The following LEKR1 variants were observed in gnomAD, a reference collection of about 807,000 sequenced individuals.
The protein encoded by LEKR1 is leucine, glutamate and lysine rich 1, also known as protein LEKR1.
In LEKR1, 59 loss-of-function variants were observed where a neutral mutation model predicts 72.4. The ratio of observed to expected loss-of-function variants is 0.82; its 90% CI spans 0.66 to 1.01. The LOEUF is 1.01. LEKR1 is among the 50% of genes least tolerant of loss of function. LEKR1 has a pLI of 0.00. For missense variants in LEKR1, 728 were observed against 759.2 expected, an observed-to-expected ratio of 0.96 and a Z score of 0.48; for synonymous variants, 257 against 263.2, an observed-to-expected ratio of 0.98 and a Z score of 0.23.
rs1373147511 is a variant in LEKR1, at chr3:156,982,855, G to GTGTGTAGA, written c.827+3581_827+3582insGTGTAGAT. ...TATATGAATATGTGTGTGTGTGTGT[G>GTGTGTAGA]TAGATAGATAGATAGATAGATAGAT... On this transcript the variant is annotated intron_variant, in intron 7 of 12. Transcript: ENST00000356539. Among the ~76,000 whole-genome samples, 1,020 of 140,082 alleles carry GTGTGTAGA rather than the reference G, an allele frequency of 7.3e-3. 4 individuals carry two copies. The highest frequency in any genetic ancestry group is 0.021 in the African/African-American group (703 of 33,914). 91.9% of individuals were successfully genotyped at this position (140,082 alleles called of 152,430 possible). A position where few individuals can be genotyped will look rare whatever the true frequency, so the allele number is the denominator to read the frequency against.
intron 2 of LEKR1, among the ~76,000 whole-genome samples, chr3:156,835,908 C>CT (rs1176957007): frequency 8.5e-6 from 1 of 117,830 alleles, no homozygotes; most frequent in African/African-American, 3.2e-5. Flanking sequence ...GAGTCTCACT[C>CT]TGTCACCAAG....
At chr3:157,008,278 T>C (rs1247504780) in intron 9 of LEKR1, among the ~76,000 whole-genome samples, 2 of 152,192 alleles carry the variant, frequency 1.3e-5, no homozygotes, top group Admixed American at 6.6e-5. Flanking sequence ...GTAAACCCCA[T>C]CACACAGGAG....
intron 9 of LEKR1, among the ~76,000 whole-genome samples, chr3:156,999,008 AGT>A (rs1254476908): frequency 6.6e-6 from 1 of 152,138 alleles, no homozygotes; most frequent in Non-Finnish European, 1.5e-5. Context: ...TTCTCGTGAT[AGT>A]GAGTGAGTTC....
At position 157,045,364 on chromosome 3, in the gene LEKR1, C is replaced by G. The variant is rs776337543; in HGVS notation, c.1693C>G (p.Arg565Gly). Residue 565 changes from arginine to glycine, a missense_variant, in exon 13 of 13, where the codon CGT (arginine) becomes GGT (glycine). Arg to Gly is a moderately radical substitution (Grantham distance 125, BLOSUM62 -2). Transcript: ENST00000356539. The stretch of plus-strand genomic sequence containing the variant: ...GAATACTTTTCTTCAGGAGACAGTG[C>G]GTAGAGAATGTGAAGAACGCTTTGA... ...EENTFLQETVRRECEERFELT... is the reference protein window; with the variant it reads ...EENTFLQETVGRECEERFELT... The G allele has an allele frequency of 6.2e-7, 1 of 1,613,462 alleles. No homozygotes were observed. The highest frequency in any genetic ancestry group is 8.5e-7 in the Non-Finnish European group (1 of 1,179,622).
At chr3:156,953,633 C>T (rs757276732) in intron 6 of LEKR1, among the ~76,000 whole-genome samples, 2 of 151,812 alleles carry the variant, frequency 1.3e-5, no homozygotes, top group Non-Finnish European at 2.9e-5. Flanking sequence ...GTTTTCTGTT[C>T]CTGTGTTAGT....
intron 6 of LEKR1, among the ~76,000 whole-genome samples, chr3:156,954,443 C>T (rs1727439873): frequency 6.6e-6 from 1 of 151,990 alleles, no homozygotes; most frequent in Non-Finnish European, 1.5e-5. Context: ...GTACCTACGT[C>T]CTGAATGATA....
intron 6 of LEKR1, 83 bp downstream of exon 6, chr3:156,942,797 A>G (rs1396380547): frequency 3.4e-6 from 2 of 585,264 alleles, no homozygotes; most frequent in African/African-American, 2.1e-5. Context: ...TATAATTACA[A>G]CAAAATCTTG....
intron 6 of LEKR1, among the ~76,000 whole-genome samples, chr3:156,948,063 A>G (rs974151082): frequency 6.6e-6 from 1 of 151,212 alleles, no homozygotes; most frequent in African/African-American, 2.4e-5. Context: ...TCTAATTTGA[A>G]TTGCATTATA....
chr3:156,875,679 C>A (rs1718469771), intron 3 of LEKR1, among the ~76,000 whole-genome samples: 2 of 151,880 alleles, frequency 1.3e-5, no homozygotes, highest in Admixed American at 6.6e-5. Context: ...AGTATTTGAT[C>A]CATATTGAGT....
rs531139158 is a variant in LEKR1, at chr3:157,026,832, G to A, written c.1369-1271G>A. On this transcript the variant is annotated intron_variant, in intron 11 of 12. Transcript: ENST00000356539. ...TTTCATTAGAAGCAGCTCTTGTTTC[G>A]TTGTTTTGTTTCTTAAGGAGAAAGA... Among the ~76,000 whole-genome samples, 27 of 152,208 alleles carry A rather than the reference G, an allele frequency of 1.8e-4. No individual in the cohort carries two copies. The South Asian group carries it at 4.4e-3, about 25-fold the overall frequency.
chr3:156,854,227 T>G (rs1320456154), intron 3 of LEKR1, among the ~76,000 whole-genome samples: 1 of 141,350 alleles, frequency 7.1e-6, no homozygotes, highest in African/African-American at 2.6e-5. Flanking sequence ...CACTGCAGCC[T>G]CTGCCTTCCA....
At chr3:157,005,295 A>G (rs1246444930) in intron 9 of LEKR1, among the ~76,000 whole-genome samples, 1 of 152,132 alleles carries the variant, frequency 6.6e-6, no homozygotes, top group Admixed American at 6.5e-5. Context: ...TCTTTTAAAG[A>G]AATTGAATTT....
intron 10 of LEKR1, among the ~76,000 whole-genome samples, chr3:157,022,495 T>C (rs1412806856): frequency 6.6e-6 from 1 of 151,930 alleles, no homozygotes; most frequent in East Asian, 1.9e-4. Flanking sequence ...GTAAAATGAA[T>C]AGGATTTTGT....
chr3:156,886,551 A>T (rs1451864258), intron 3 of LEKR1, among the ~76,000 whole-genome samples: 7 of 152,100 alleles, frequency 4.6e-5, no homozygotes, highest in Admixed American at 4.6e-4. Flanking sequence ...GCCTTCCCCA[A>T]GGGTCCCTGT....
chr3:156,914,252 T>G (rs1444600236), intron 3 of LEKR1, among the ~76,000 whole-genome samples: 3 of 152,150 alleles, frequency 2.0e-5, no homozygotes, highest in Non-Finnish European at 4.4e-5. Context: ...CCATGGTGGT[T>G]TGCTGCACCC....
At chr3:156,941,353 T>G (rs758429150) in intron 5 of LEKR1, among the ~76,000 whole-genome samples, 4 of 152,100 alleles carry the variant, frequency 2.6e-5, no homozygotes, top group Non-Finnish European at 2.9e-5. Context: ...CTCCTTGTAC[T>G]ACATTCGTGA....
In LEKR1 at chr3:157,007,158, G is replaced by A. The variant is rs1732517881; in HGVS notation, c.1110-4255G>A. ...CGGAGCTTGCAGTGAGCCGAGATCC[G>A]CCATTGCACTCCAGCCTGGGCCACA... On this transcript the variant is annotated intron_variant, in intron 9 of 12. Transcript: ENST00000356539. Among the ~76,000 whole-genome samples the A allele has an allele frequency of 2.6e-5, 4 of 152,154 alleles. 1 individual carries two copies. Among genetic ancestry groups the A allele is most frequent in the Middle Eastern group, 6.8e-3 (2 of 294 alleles).
intron 6 of LEKR1, among the ~76,000 whole-genome samples, chr3:156,972,586 C>T (rs189539963): frequency 1.1e-3 from 169 of 150,948 alleles, no homozygotes; most frequent in Non-Finnish European, 1.7e-3. Flanking sequence ...TATCATTCAC[C>T]GAGGCCAAAT....
At chr3:156,924,754 A>G (rs1180570033) in intron 4 of LEKR1, 5 of 385,618 alleles carry the variant, frequency 1.3e-5, no homozygotes, top group Non-Finnish European at 2.3e-5. Context: ...AAATAAATTC[A>G]CCATAAATGT....
Sources: allele counts gnomAD v4.1 joint callset (sites outside exome capture counted in the v4.1 genomes callset), GRCh38; gene constraint gnomAD v4.1.1; transcripts MANE v1.5; gene names NCBI Gene and HGNC (gene_info 2026-07-23, HGNC 2026-07-21).